The following ELP2 variants were observed in gnomAD, a reference collection of about 807,000 sequenced individuals.
ELP2 encodes the protein elongator acetyltransferase complex subunit 2.
A neutral mutation model predicts 119.2 loss-of-function variants in ELP2; 90 were observed. The observed-to-expected ratio is 0.75, with a 90% CI of 0.64 to 0.90. ELP2 has a LOEUF of 0.90. Ranked by LOEUF, ELP2 falls within the 40% of genes least tolerant of loss-of-function variation. The pLI is 0.00. For synonymous variants in ELP2, 339 were observed against 331.0 expected (o/e 1.02, Z -0.26); for missense variants, 921 against 967.8 (o/e 0.95, Z 0.64).
At chr18:36,169,864 A>G in intron 19 of ELP2, 199 bp from the exon 20 acceptor site, 5 of 651,088 alleles carry the variant, frequency 7.7e-6, no homozygotes, top group South Asian at 5.3e-5. Context: ...GCTCTCGGAG[A>G]CGCATGTCTG....
rs1187211922 is a variant in ELP2, at chr18:36,129,938, T to A, written c.5T>A (p.Val2Glu). ...TGCGGCTGACCAGTTGGCGACATGG[T>A]GGCACCCGTGCTGGAGACTTCTCAC... is the stretch of plus-strand genomic sequence containing the variant. M[V>E]APVLETSHVF... Residue 2 changes from valine (V) to glutamate (E), a missense_variant, in exon 1 of 22, where the codon GTG (valine) becomes GAG (glutamate). Physicochemically the swap from Val to Glu is moderately radical, Grantham distance 121. Transcript: ENST00000358232. 1 of 1,614,202 alleles carries A rather than the reference T, an allele frequency of 6.2e-7. No homozygotes were observed. Among genetic ancestry groups the A allele is most frequent in the African/African-American group, 1.3e-5 (1 of 75,052 alleles).
intron 3 of ELP2, 72 bp from the exon 4 acceptor site, chr18:36,138,198 C>A: frequency 6.5e-7 from 1 of 1,529,042 alleles, no homozygotes; most frequent in Non-Finnish European, 9.0e-7. Context: ...TTTATTGGCA[C>A]ATTTATCCAA....
At position 36,174,600 on chromosome 18, in the gene ELP2, C is replaced by G. The variant is rs1362732656; in HGVS notation, c.2440C>G (p.His814Asp). 14 of 1,614,162 alleles carry G rather than the reference C, an allele frequency of 8.7e-6. No homozygotes were observed. The highest frequency in any genetic ancestry group is 1.2e-5 in the Non-Finnish European group (14 of 1,180,016). The change falls in exon 22 of 22, where the codon CAC becomes GAC. Residue 814 changes from histidine (H) to aspartate (D), a missense_variant. By Grantham distance (81) the His-to-Asp change is moderately conservative. Transcript: ENST00000358232. ...WLHFASCGED[H>D]TVKIHRVNKC... ...ACACTTTGCAAGCTGTGGTGAAGAT[C>G]ACACTGTGAAGATACACAGAGTCAA...
chr18:36,142,877 G>A lies in ELP2; in HGVS notation c.707G>A (p.Trp236Ter). 1 of 1,605,462 alleles carries A rather than the reference G, an allele frequency of 6.2e-7. No homozygotes were observed. Among genetic ancestry groups the A allele is most frequent in the Non-Finnish European group, 8.5e-7 (1 of 1,173,032 alleles). ...TCACAAGATTGCCTGATAAGAATAT[G>A]GAAGCTGTATATAAAGTCAACATCT... ...SCSQDCLIRIWKLYIKSTSLE... is the reference protein window; with the variant it reads ...SCSQDCLIRI Residue 236 changes from tryptophan (W) to a stop codon, truncating the protein, a stop_gained, in exon 8 of 22, where the codon TGG becomes TAG. Coordinates refer to ENST00000358232, the MANE Select transcript of ELP2 (RefSeq NM_018255.4). LOFTEE classifies it high-confidence loss of function.
chr18:36,139,541 C>T (rs767957857), intron 5 of ELP2: 42 of 1,535,494 alleles, frequency 2.7e-5, no homozygotes, highest in Non-Finnish European at 3.5e-5. Context: ...GTGCAAGGCT[C>T]TGTGGAAGGA....
In ELP2 at chr18:36,141,117, C is replaced by T. The variant is rs2090008925; in HGVS notation, c.524-20C>T. ...GTGGAATAGAGAACTCACAGTGAAG[C>T]CTGTTTTTTCTTCCCCCAGTACCAA... On this transcript the variant is annotated intron_variant, in intron 5 of 21. Transcript: ENST00000358232. The T allele has an allele frequency of 6.2e-7, 1 of 1,606,132 alleles. No homozygotes were observed. The highest frequency in any genetic ancestry group is 8.5e-7 in the Non-Finnish European group (1 of 1,172,862).
chr18:36,145,242 T>C, intron 9 of ELP2: 1 of 534,994 alleles, frequency 1.9e-6, no homozygotes, highest in East Asian at 3.3e-5. Context: ...AAAAGTGTAA[T>C]TCCTGCCATG....
intron 17 of ELP2, among the ~76,000 whole-genome samples, chr18:36,164,165 T>TC (rs1480098150): frequency 1.3e-5 from 2 of 152,016 alleles, no homozygotes; most frequent in African/African-American, 4.8e-5. Flanking sequence ...ATTTTATTTT[T>TC]CCCCCTCCAT....
intron 2 of ELP2, among the ~76,000 whole-genome samples, chr18:36,134,650 CA>C (rs1567973126): frequency 6.6e-6 from 1 of 152,054 alleles, no homozygotes; most frequent in East Asian, 1.9e-4. Flanking sequence ...TTGGGGTCCT[CA>C]AAAATTGTAA....
At chr18:36,151,855 C>A (rs1466698041) in intron 11 of ELP2, among the ~76,000 whole-genome samples, 2 of 145,940 alleles carry the variant, frequency 1.4e-5, no homozygotes, top group Admixed American at 7.2e-5. Flanking sequence ...TCAATTGATT[C>A]TCCTGTCTCA....
At chr18:36,142,515 T>C (rs1027470568) in intron 7 of ELP2, among the ~76,000 whole-genome samples, 168 bp downstream of exon 7, 2 of 152,226 alleles carry the variant, frequency 1.3e-5, no homozygotes, top group Non-Finnish European at 2.9e-5. Flanking sequence ...AGTTGGATGG[T>C]AGATGATTAA....
intron 2 of ELP2, among the ~76,000 whole-genome samples, chr18:36,136,105 T>G (rs1170662829): frequency 6.6e-6 from 1 of 152,178 alleles, no homozygotes; most frequent in Non-Finnish European, 1.5e-5. Flanking sequence ...TGCCACTTAT[T>G]TTTAAGTAGT....
intron 1 of ELP2, among the ~76,000 whole-genome samples, chr18:36,132,866 T>C (rs1429976079): frequency 2.0e-5 from 3 of 151,946 alleles, no homozygotes; most frequent in Non-Finnish European, 2.9e-5. Flanking sequence ...GGTGCAAGCA[T>C]AGTAGGCCTA....
Position 36,138,439 on chromosome 18 carries a change from AC to A in ELP2, c.445+14del, listed in dbSNP as rs766253618. On this transcript the variant is annotated intron_variant, in intron 4 of 21. Coordinates refer to ENST00000358232, the MANE Select transcript of ELP2 (RefSeq NM_018255.4). ...AAGGGTCCAGAAGGTAGGTTTGGAGACATGATAATCCAGACAAATGAAATAA... is the reference window on the plus strand; with the variant it reads ...AAGGGTCCAGAAGGTAGGTTTGGAGAATGATAATCCAGACAAATGAAATAA... The A allele has an allele frequency of 1.2e-6, 2 of 1,613,374 alleles. No individual in the cohort carries two copies. The highest frequency in any genetic ancestry group is 2.7e-5 in the African/African-American group (2 of 74,886).
intron 17 of ELP2, among the ~76,000 whole-genome samples, chr18:36,163,643 A>G (rs2090808993): frequency 2.0e-5 from 3 of 152,148 alleles, no homozygotes; most frequent in Admixed American, 6.5e-5. Flanking sequence ...GTCATGGAGT[A>G]TAGGTTAAAA....
intron 14 of ELP2, among the ~76,000 whole-genome samples, chr18:36,159,114 CT>C (rs5823998): frequency 0.29 from 40,091 of 138,274 alleles, 4,923 homozygotes; most frequent in Middle Eastern, 0.4. Flanking sequence ...TGTTTTTTCC[CT>C]TTTTTTTTTT....
intron 12 of ELP2, 86 bp downstream of exon 12, chr18:36,155,085 T>C (rs921681678): frequency 8.5e-7 from 1 of 1,178,760 alleles, no homozygotes; most frequent in Non-Finnish European, 1.2e-6. Context: ...CGATCTCAGC[T>C]CACTGCAGCC....
In ELP2 at chr18:36,156,152, C is replaced by G. The variant is rs189411380; in HGVS notation, c.1276-314C>G. Among the ~76,000 whole-genome samples, 363 of 152,310 alleles carry G rather than the reference C, an allele frequency of 2.4e-3. 1 individual carries two copies. The highest frequency in any genetic ancestry group is 3.5e-3 in the Non-Finnish European group (239 of 68,020). On this transcript the variant is annotated intron_variant, in intron 12 of 21. Coordinates refer to ENST00000358232, the MANE Select transcript of ELP2 (RefSeq NM_018255.4). The stretch of plus-strand genomic sequence containing the variant: ...GAAATTCACGGAACTGACTGTGGGT[C>G]AGTCCGTAAGAGCTAGTGAAGTTTG...
At chr18:36,142,011 T>C (rs895275647) in intron 6 of ELP2, among the ~76,000 whole-genome samples, 1 of 152,176 alleles carries the variant, frequency 6.6e-6, no homozygotes, top group Non-Finnish European at 1.5e-5. Flanking sequence ...TTCTATATTA[T>C]ATGTATAGTA....
Sources: gnomAD v4.1 joint callset for allele counts (sites outside exome capture counted in the v4.1 genomes callset) on GRCh38, gnomAD v4.1.1 for gene constraint, MANE v1.5 for transcripts, NCBI Gene and HGNC (gene_info 2026-07-23, HGNC 2026-07-21) for gene names.